The following NTM variants were observed in gnomAD, a reference collection of about 807,000 sequenced individuals.
NTM encodes IgLON family member 2.
Under a neutral mutation model 42.1 loss-of-function variants are expected in NTM, and 13 were observed. That is an observed-to-expected ratio of 0.31 (90% confidence interval 0.20 to 0.49). NTM has a LOEUF of 0.49. Among genes scored for constraint, NTM ranks in the 20% least tolerant of loss-of-function variants. The pLI is 0.99. For synonymous variants in NTM, 187 were observed against 179.2 expected, an observed-to-expected ratio of 1.04 and a Z score of -0.35; for missense variants, 373 against 452.8, an observed-to-expected ratio of 0.82 and a Z score of 1.60.
Position 132,293,471 on chromosome 11 carries a change from C to T in NTM, c.527-14218C>T, listed in dbSNP as rs1038519671. On this transcript the variant is annotated intron_variant, in intron 4 of 8. Coordinates refer to ENST00000683400, the MANE Select transcript of NTM (RefSeq NM_001352005.2). ...GAGCGTTGATGATGCAGGAGAGGTT[C>T]CTGAGTGCAGAATGGAAGGACTGCA... Among the ~76,000 whole-genome samples, 43 of 152,004 alleles carry T rather than the reference C, an allele frequency of 2.8e-4. 1 individual carries two copies. Among genetic ancestry groups the T allele is most frequent in the Admixed American group, 1.3e-4 (2 of 15,264 alleles).
At chr11:131,967,347 G>A (rs1230935229) in intron 2 of NTM, among the ~76,000 whole-genome samples, 2 of 152,166 alleles carry the variant, frequency 1.3e-5, no homozygotes, top group South Asian at 2.1e-4. Context: ...TATGATCAGT[G>A]GGGGGCAACT....
In NTM at chr11:131,690,664, C is replaced by T. The variant is rs530546941; in HGVS notation, c.83-220900C>T. ...GAGCGCGGGGCGCGGGGCCTGAGTG[C>T]GGGAGAATGGCTGGAAGCAGTGAGA... On this transcript the variant is annotated intron_variant, in intron 1 of 8. Transcript: ENST00000683400. 3.9e-5 allele frequency among the ~76,000 whole-genome samples: 6 copies of T among 152,274 alleles called. No individual in the cohort carries two copies. In the East Asian group the frequency reaches 7.7e-4, roughly 20 times the overall value.
intron 2 of NTM, among the ~76,000 whole-genome samples, chr11:132,070,854 CATCACA>C (rs2057496722): frequency 1.4e-5 from 2 of 138,404 alleles, no homozygotes; most frequent in South Asian, 2.6e-4. Context: ...TCACACTGAC[CATCACA>C]GGTTAGTTAA....
At chr11:131,418,732 A>G (rs1947200852) in intron 1 of NTM, among the ~76,000 whole-genome samples, 1 of 152,158 alleles carries the variant, frequency 6.6e-6, no homozygotes, top group Admixed American at 6.5e-5. Flanking sequence ...TAAAACCAAA[A>G]TCTAGATTTC....
chr11:131,580,274 C>T (rs1305267940), intron 1 of NTM, among the ~76,000 whole-genome samples: 1 of 152,202 alleles, frequency 6.6e-6, no homozygotes, highest in Admixed American at 6.5e-5. Flanking sequence ...TGCTTTATCA[C>T]AGATTGGACT....
chr11:131,850,533 A>C (rs2045408628), intron 1 of NTM, among the ~76,000 whole-genome samples: 1 of 152,186 alleles, frequency 6.6e-6, no homozygotes, highest in African/African-American at 2.4e-5. Context: ...CTTTCCTTAA[A>C]ATGAAAGTTT....
intron 1 of NTM, among the ~76,000 whole-genome samples, chr11:131,729,822 T>C (rs2079412116): frequency 6.6e-6 from 1 of 152,256 alleles, no homozygotes; most frequent in Non-Finnish European, 1.5e-5. Context: ...ATTTATCATC[T>C]ATCAATTGAA....
intron 1 of NTM, among the ~76,000 whole-genome samples, chr11:131,635,764 G>T (rs1205776286): frequency 6.6e-6 from 1 of 151,650 alleles, no homozygotes; most frequent in Admixed American, 6.6e-5. Flanking sequence ...ATATTCCCTC[G>T]CCTCTTCTCA....
At chr11:131,875,644 G>C (rs1416499883) in intron 1 of NTM, among the ~76,000 whole-genome samples, 1 of 152,206 alleles carries the variant, frequency 6.6e-6, no homozygotes, top group African/African-American at 2.4e-5. Context: ...AAAGCAAAAG[G>C]ATCCTTCAAC....
chr11:131,617,087 T>C (rs546691221), intron 1 of NTM, among the ~76,000 whole-genome samples: 1 of 152,252 alleles, frequency 6.6e-6, no homozygotes, highest in East Asian at 1.9e-4. Flanking sequence ...ATTGTGGGGC[T>C]GGACGCTGCG....
chr11:132,212,221 G>T, intron 4 of NTM, 74 bp downstream of exon 4: 2 of 1,252,594 alleles, frequency 1.6e-6, no homozygotes, highest in South Asian at 2.6e-5. Context: ...GGAGGTTATG[G>T]GTGCTGATAC....
chr11:131,665,983 T>C (rs1349191437), intron 1 of NTM, among the ~76,000 whole-genome samples: 1 of 152,268 alleles, frequency 6.6e-6, no homozygotes, highest in Non-Finnish European at 1.5e-5. Context: ...TTTTGCTGAC[T>C]CAATTTCTCT....
At chr11:132,323,570 GA>G (rs2095616783) in intron 7 of NTM, among the ~76,000 whole-genome samples, 1 of 151,960 alleles carries the variant, frequency 6.6e-6, no homozygotes, top group African/African-American at 2.4e-5. Flanking sequence ...GGACCAGATG[GA>G]TTCACAGCCG....
intron 1 of NTM, among the ~76,000 whole-genome samples, chr11:131,462,964 A>G (rs1374891828): frequency 1.5e-5 from 2 of 131,582 alleles, no homozygotes; most frequent in East Asian, 6.3e-4. Context: ...AAAAAAAAAA[A>G]GAAGATATAG....
intron 1 of NTM, among the ~76,000 whole-genome samples, chr11:131,557,993 C>T (rs2055686320): frequency 6.6e-6 from 1 of 152,138 alleles, no homozygotes; most frequent in African/African-American, 2.4e-5. Flanking sequence ...AAATGTTGTC[C>T]CCTACAGCCT....
At chr11:132,192,734 C>A (rs1410145286) in intron 3 of NTM, among the ~76,000 whole-genome samples, 1 of 152,122 alleles carries the variant, frequency 6.6e-6, no homozygotes, top group Admixed American at 6.5e-5. Context: ...CAAGACCCAA[C>A]AGTCTGCTGC....
chr11:132,057,246 A>G (rs2079843029), intron 2 of NTM, among the ~76,000 whole-genome samples: 1 of 151,948 alleles, frequency 6.6e-6, no homozygotes, highest in Non-Finnish European at 1.5e-5. Flanking sequence ...ATTGTCAGAG[A>G]TTAAGTCTAA....
chr11:131,920,106 A>G lies in NTM; in HGVS notation c.167+8458A>G, dbSNP rs373520804. On this transcript the variant is annotated intron_variant, in intron 2 of 8. Coordinates refer to ENST00000683400, the MANE Select transcript of NTM (RefSeq NM_001352005.2). ...CATTTCCCATCAGAAAAATTCATCC[A>G]GAAGGTTCTGTGGAGCAGGTTTTCT... is the stretch of plus-strand genomic sequence containing the variant. 1.2e-3 allele frequency among the ~76,000 whole-genome samples: 186 copies of G among 152,334 alleles called. 1 individual carries two copies. Among genetic ancestry groups the G allele is most frequent in the African/African-American group, 4.0e-3 (168 of 41,576 alleles).
chr11:131,626,913 C>A (rs1443590572), intron 1 of NTM, among the ~76,000 whole-genome samples: 1 of 152,202 alleles, frequency 6.6e-6, no homozygotes, highest in Non-Finnish European at 1.5e-5. Context: ...AATAGGGAAG[C>A]CACCTTATGA....
Sources: allele counts gnomAD v4.1 joint callset (sites outside exome capture counted in the v4.1 genomes callset), GRCh38; gene constraint gnomAD v4.1.1; transcripts MANE v1.5; gene names NCBI Gene and HGNC (gene_info 2026-07-23, HGNC 2026-07-21).